The following COBLL1 variants were observed in gnomAD, a reference collection of about 807,000 sequenced individuals.
The protein encoded by COBLL1 is cordon-bleu protein-like 1.
Under a neutral mutation model 94.8 loss-of-function variants are expected in COBLL1, and 50 were observed. The ratio of observed to expected loss-of-function variants is 0.53; its 90% confidence interval spans 0.42 to 0.67. The LOEUF (loss-of-function observed/expected upper bound fraction) is 0.67, where lower values mean the gene tolerates loss of function less well. Ranked by LOEUF, COBLL1 falls within the 30% of genes least tolerant of loss-of-function variation. The probability of loss-of-function intolerance (pLI) is 0.00; values close to 1 mark genes in which losing one functional copy is unlikely to be tolerated. For missense variants in COBLL1, 1,362 were observed against 1,348.7 expected, an observed-to-expected ratio of 1.01 and a Z score of -0.15; for synonymous variants, 448 against 473.8, an observed-to-expected ratio of 0.95 and a Z score of 0.71.
At chr2:164,686,347 A>G (rs1344712492) in intron 13 of COBLL1, among the ~76,000 whole-genome samples, 1 of 152,178 alleles carries the variant, frequency 6.6e-6, no homozygotes, top group Admixed American at 6.5e-5. Context: ...TTTTAGCTAG[A>G]TTAATTCTGT....
At chr2:164,704,598 A>G in intron 8 of COBLL1, 80 bp from the exon 9 acceptor site, 16 of 1,202,814 alleles carry the variant, frequency 1.3e-5, no homozygotes, top group Non-Finnish European at 2.0e-5. Flanking sequence ...TTAGTTATAT[A>G]GTTCAGAAAG....
At chr2:164,713,497 C>T (rs1480070303) in intron 7 of COBLL1, among the ~76,000 whole-genome samples, 5 of 152,110 alleles carry the variant, frequency 3.3e-5, no homozygotes, top group East Asian at 1.9e-4. Context: ...GATCTAAATA[C>T]CACCACCAAC....
intron 2 of COBLL1, among the ~76,000 whole-genome samples, chr2:164,746,296 T>C (rs1686855682): frequency 6.6e-6 from 1 of 152,158 alleles, no homozygotes; most frequent in African/African-American, 2.4e-5. Flanking sequence ...AGTGATCTTT[T>C]TAAAATACAA....
chr2:164,718,334 G>T, intron 7 of COBLL1: 2 of 706,088 alleles, frequency 2.8e-6, no homozygotes, highest in Non-Finnish European at 3.5e-6. Flanking sequence ...AGAGGATGAG[G>T]TAAGTAAGTC....
intron 2 of COBLL1, among the ~76,000 whole-genome samples, chr2:164,814,457 T>C (rs1203518270): frequency 6.6e-6 from 1 of 152,200 alleles, no homozygotes. Context: ...GTGTCTTATC[T>C]CTCATCCTGA....
chr2:164,727,510 G>A (rs1685772953), intron 5 of COBLL1, among the ~76,000 whole-genome samples: 1 of 151,928 alleles, frequency 6.6e-6, no homozygotes, highest in South Asian at 2.1e-4. Context: ...TTATTTTGGT[G>A]TTGACCTTAG....
At chr2:164,689,178 C>T (rs1231340301) in intron 13 of COBLL1, among the ~76,000 whole-genome samples, 6 of 151,866 alleles carry the variant, frequency 4.0e-5, no homozygotes, top group African/African-American at 1.2e-4. Context: ...AAAAACATGG[C>T]ATATTTATGA....
chr2:164,747,824 T>A (rs1686944192), intron 2 of COBLL1, among the ~76,000 whole-genome samples: 1 of 152,166 alleles, frequency 6.6e-6, no homozygotes, highest in Non-Finnish European at 1.5e-5. Context: ...CAGTTGTTAT[T>A]TCAATTTAAT....
chr2:164,779,866 G>C, intron 2 of COBLL1: 3 of 391,538 alleles, frequency 7.7e-6, no homozygotes, highest in Non-Finnish European at 1.1e-5. Flanking sequence ...GGAATGTGCA[G>C]GTATGAGACA....
chr2:164,823,391 C>A (rs953357494), intron 2 of COBLL1, among the ~76,000 whole-genome samples: 1 of 152,124 alleles, frequency 6.6e-6, no homozygotes, highest in African/African-American at 2.4e-5. Flanking sequence ...AAACCCAATC[C>A]TCTACAACTA....
At chr2:164,765,313 A>G (rs1687878593) in intron 2 of COBLL1, among the ~76,000 whole-genome samples, 1 of 152,200 alleles carries the variant, frequency 6.6e-6, no homozygotes, top group South Asian at 2.1e-4. Flanking sequence ...CACAACCACA[A>G]GAATGTAGTT....
chr2:164,727,074 A>G (rs767551707), intron 5 of COBLL1: 4 of 1,224,560 alleles, frequency 3.3e-6, no homozygotes, highest in African/African-American at 1.5e-5. Context: ...ATTTCATGTT[A>G]TAATTTGTTT....
chr2:164,687,183 G>A, intron 13 of COBLL1: 1 of 395,908 alleles, frequency 2.5e-6, no homozygotes, highest in Non-Finnish European at 4.6e-6. Flanking sequence ...TCCAAGTATA[G>A]CCAACAAATG....
chr2:164,694,649 T>A lies in COBLL1; in HGVS notation c.2743A>T (p.Thr915Ser). Reference sequence around the variant, plus strand: ...GGCATTTTACTTAAGGGAGAAAGAGTCTGCTCCGGAGAAGGCAGCATATCC... The same window carrying A: ...GGCATTTTACTTAAGGGAGAAAGAGACTGCTCCGGAGAAGGCAGCATATCC... ...ERDMLPSPEQ[T>S]LSPLSKMPHS... Residue 915 changes from threonine to serine, a missense_variant, in exon 12 of 14, where the codon ACT becomes TCT. By Grantham distance (58) the Thr-to-Ser change is moderately conservative. Coordinates refer to ENST00000652658, the MANE Select transcript of COBLL1 (RefSeq NM_001365672.2). 1 of 1,613,528 alleles carries A rather than the reference T, an allele frequency of 6.2e-7. No homozygotes were observed. The highest frequency in any genetic ancestry group is 8.5e-7 in the Non-Finnish European group (1 of 1,179,872).
chr2:164,829,736 T>C (rs1389808853), intron 2 of COBLL1, among the ~76,000 whole-genome samples: 1 of 152,214 alleles, frequency 6.6e-6, no homozygotes, highest in Non-Finnish European at 1.5e-5. Flanking sequence ...TCCAGTTTTA[T>C]TTTGAATATA....
chr2:164,703,049 G>T, intron 9 of COBLL1: 1 of 978,762 alleles, frequency 1.0e-6, no homozygotes, highest in Non-Finnish European at 1.6e-6. Context: ...TACAGTCGAT[G>T]ATATCTTAAC....
intron 2 of COBLL1, among the ~76,000 whole-genome samples, chr2:164,776,004 T>C (rs1261333461): frequency 6.6e-6 from 1 of 151,876 alleles, no homozygotes; most frequent in African/African-American, 2.4e-5. Context: ...TTTACCTTGG[T>C]TCATTCCTCT....
intron 3 of COBLL1, among the ~76,000 whole-genome samples, chr2:164,740,346 G>C (rs1686525914): frequency 6.6e-6 from 1 of 152,014 alleles, no homozygotes. Flanking sequence ...CTGTGTGACT[G>C]AAACCCCATC....
chr2:164,811,804 CAAAAAAG>C (rs926358235), intron 2 of COBLL1, among the ~76,000 whole-genome samples: 16 of 151,460 alleles, frequency 1.1e-4, no homozygotes, highest in African/African-American at 3.1e-4. Context: ...AAAAGTTCAC[CAAAAAAG>C]AAAAAAAAGT....
Sources: gnomAD v4.1 joint callset for allele counts (sites outside exome capture counted in the v4.1 genomes callset) on GRCh38, gnomAD v4.1.1 for gene constraint, MANE v1.5 for transcripts, NCBI Gene and HGNC (gene_info 2026-07-23, HGNC 2026-07-21) for gene names.